PTPRG: variants seen among roughly 807,000 people sequenced by gnomAD.
The protein encoded by PTPRG is receptor-type tyrosine-protein phosphatase gamma.
PTPRG carries 102 observed loss-of-function variants against 165.3 expected under a neutral mutation model. The observed-to-expected ratio is 0.62, with a 90% CI of 0.53 to 0.73. The LOEUF (loss-of-function observed/expected upper bound fraction) is 0.73. Among genes scored for constraint, PTPRG ranks in the 30% least tolerant of loss-of-function variants. PTPRG has a pLI of 0.00. For missense variants in PTPRG, 1,866 were observed against 1,861.4 expected (o/e 1.00, Z -0.05); for synonymous variants, 675 against 669.5 (o/e 1.01, Z -0.13).
At position 62,195,337 on chromosome 3, in the gene PTPRG, T is replaced by C. The variant is rs934136025; in HGVS notation, c.1327+167T>C. 6.6e-6 allele frequency among the ~76,000 whole-genome samples: 1 copy of C among 152,170 alleles called. No homozygotes were observed. The highest frequency in any genetic ancestry group is 6.5e-5 in the Admixed American group (1 of 15,276). On this transcript the variant is annotated intron_variant, in intron 10 of 29. Coordinates refer to ENST00000474889, the MANE Select transcript of PTPRG (RefSeq NM_002841.4). This position sits in a 1 kb window ranked among gnomAD's most constrained non-coding sequence, Gnocchi z 4.4. The stretch of plus-strand genomic sequence containing the variant: ...GGAAGCCCTAGTAATTTAGGTCTTT[T>C]AGGTTGGAGGTTTTATCGGCAGAAG...
chr3:62,105,367 A>G (rs1702439130), intron 5 of PTPRG, among the ~76,000 whole-genome samples: 1 of 152,210 alleles, frequency 6.6e-6, no homozygotes, highest in African/African-American at 2.4e-5. Flanking sequence ...TTTCTTTTCC[A>G]GCAAATAAAA....
intron 6 of PTPRG, among the ~76,000 whole-genome samples, chr3:62,143,005 C>G (rs1477025563): frequency 6.6e-6 from 1 of 152,158 alleles, no homozygotes; most frequent in Non-Finnish European, 1.5e-5. Flanking sequence ...AGAAGTGACC[C>G]AGCCCAGAGT....
At position 62,212,737 on chromosome 3, in the gene PTPRG, A is replaced by C. The variant is rs559995679; in HGVS notation, c.2156-6114A>C. On this transcript the variant is annotated intron_variant, in intron 12 of 29. Transcript: ENST00000474889. ...GGAGTGTGCCGCTTGGTTCCAACTG[A>C]TGTGTGCCACGTGGGAATTCAGGCT... 2.0e-5 allele frequency among the ~76,000 whole-genome samples: 3 copies of C among 152,292 alleles called. No homozygotes were observed. In the South Asian group the frequency reaches 6.2e-4, roughly 32 times the overall value.
intron 1 of PTPRG, among the ~76,000 whole-genome samples, chr3:61,601,967 T>TA (rs1700881286): frequency 6.6e-6 from 1 of 152,182 alleles, no homozygotes; most frequent in African/African-American, 2.4e-5. Context: ...ACAACGCTGT[T>TA]AGAGCGTTGC....
At chr3:61,755,327 C>T (rs1003923664) in intron 2 of PTPRG, among the ~76,000 whole-genome samples, 13 of 152,254 alleles carry the variant, frequency 8.5e-5, no homozygotes, top group South Asian at 2.1e-4. Context: ...ACCTTCTGAT[C>T]GGAAGGAACC....
chr3:61,655,815 C>G (rs928284036), intron 1 of PTPRG, among the ~76,000 whole-genome samples: 2 of 152,114 alleles, frequency 1.3e-5, no homozygotes, highest in African/African-American at 4.8e-5. Context: ...CCAATGTTGC[C>G]TAGACTGGTC....
chr3:61,948,360 T>C (rs2039816085), intron 2 of PTPRG, among the ~76,000 whole-genome samples: 1 of 152,120 alleles, frequency 6.6e-6, no homozygotes, highest in African/African-American at 2.4e-5. Flanking sequence ...TGACTGCTCA[T>C]AAATGCAGTC....
intron 4 of PTPRG, among the ~76,000 whole-genome samples, chr3:62,014,281 G>T (rs2041490776): frequency 1.3e-5 from 2 of 152,134 alleles, no homozygotes; most frequent in South Asian, 2.1e-4. Flanking sequence ...AGTCCGGATT[G>T]TTTGGCCTGG....
chr3:61,756,665 A>G (rs925658952), intron 2 of PTPRG, among the ~76,000 whole-genome samples: 2 of 152,158 alleles, frequency 1.3e-5, no homozygotes, highest in African/African-American at 4.8e-5. Context: ...AATGGATGCT[A>G]ATGCATTAAT....
At chr3:61,966,140 AC>A (rs1230031686) in intron 2 of PTPRG, among the ~76,000 whole-genome samples, 1 of 152,230 alleles carries the variant, frequency 6.6e-6, no homozygotes, top group Admixed American at 6.5e-5. Flanking sequence ...TTCCATATTG[AC>A]TGACATTTAC....
chr3:62,271,547 G>A lies in PTPRG; in HGVS notation c.3174G>A (p.Val1058=), dbSNP rs1242673849. The A allele has an allele frequency of 2.5e-6, 4 of 1,612,984 alleles. No individual in the cohort carries two copies. The highest frequency in any genetic ancestry group is 1.7e-5 in the Admixed American group (1 of 59,962). ...ARMPETGPVL[V]HCSAGVGRTG... is the part of the protein sequence containing the mutation. ...TGCCAGAAACGGGCCCTGTGTTGGT[G>A]CACTGCAGGTAGGGTCTAGGATTCA... Residue 1058 remains valine, a synonymous_variant, in exon 21 of 30, where the codon GTG becomes GTA. Transcript: ENST00000474889. The surrounding 1 kb of genome is among the most constrained non-coding windows in gnomAD (Gnocchi z 4.1).
rs1395290382 is a variant in PTPRG at position 62,294,825 on chromosome 3, TCA to T, written c.*1519_*1520del. The T allele has an allele frequency of 1.3e-5, 2 of 152,112 alleles. No individual in the cohort carries two copies. Among genetic ancestry groups the T allele is most frequent in the Non-Finnish European group, 2.9e-5 (2 of 68,016 alleles). The allele number at this position is 152,112 out of a possible 1,614,324, so 9.4% of individuals were successfully genotyped here. A position where few individuals can be genotyped will look rare whatever the true frequency, so the allele number is the denominator to read the frequency against. ...TATTTACTTTTTATGTCAATTAACTTCAACAAAAAGGCCACGCTGGCTGCTGT... is the reference window on the plus strand; with the variant it reads ...TATTTACTTTTTATGTCAATTAACTTACAAAAAGGCCACGCTGGCTGCTGT... On this transcript the variant is annotated 3_prime_UTR_variant, in exon 30 of 30. Coordinates refer to ENST00000474889, the MANE Select transcript of PTPRG (RefSeq NM_002841.4).
At chr3:62,239,360 C>CTTTTTTTTTTTTTTTTTTTTTTTTTT (rs776921598) in intron 14 of PTPRG, among the ~76,000 whole-genome samples, 1 of 124,536 alleles carries the variant, frequency 8.0e-6, no homozygotes, top group African/African-American at 3.1e-5. Context: ...TTTTTTCTTT[C>CTTTTTTTTTTTTTTTTTTTTTTTTTT]TTTTTTTTTT....
Position 62,282,828 on chromosome 3 carries a change from A to C in PTPRG, c.4014A>C (p.Glu1338Asp), listed in dbSNP as rs768453026. The C allele has an allele frequency of 4.3e-6, 7 of 1,611,712 alleles. No homozygotes were observed. The South Asian group carries it at 7.7e-5, about 18-fold the overall frequency. ...STFELINVIK[E>D]EALTRDGPTI... ...TTGAACTTATCAACGTCATCAAGGA[A>C]GAGGCCTTAACAAGGGATGGTCCCA... Residue 1338 changes from glutamate (E) to aspartate (D), a missense_variant, in exon 28 of 30, where the codon GAA becomes GAC. By Grantham distance (45) the Glu-to-Asp change is conservative. This residue lies in a region of PTPRG where 1,452 missense variants were observed against 1,463.0 expected (regional missense o/e 0.99). Transcript: ENST00000474889.
chr3:61,704,781 C>T (rs2031163228), intron 1 of PTPRG, among the ~76,000 whole-genome samples: 1 of 152,158 alleles, frequency 6.6e-6, no homozygotes, highest in African/African-American at 2.4e-5. Context: ...TGTTCCCATT[C>T]CCCTGCTTAC....
chr3:62,269,081 G>C lies in PTPRG; in HGVS notation c.2921G>C (p.Gly974Ala). ...CCAACAGAGAACAGTGAGGAATATGGAAACATTATTGTCACGCTGAAGAGC... is the reference window on the plus strand; with the variant it reads ...CCAACAGAGAACAGTGAGGAATATGCAAACATTATTGTCACGCTGAAGAGC... ...YWPTENSEEY[G>A]NIIVTLKSTK... The change falls in exon 20 of 30, where the codon GGA becomes GCA. Residue 974 changes from glycine (G) to alanine (A), a missense_variant. Gly to Ala is a moderately conservative substitution (Grantham distance 60, BLOSUM62 0). Transcript: ENST00000474889. The C allele has an allele frequency of 6.2e-7, 1 of 1,606,540 alleles. No individual in the cohort carries two copies. Among genetic ancestry groups the C allele is most frequent in the Non-Finnish European group, 8.5e-7 (1 of 1,174,308 alleles).
At chr3:61,837,457 G>C (rs750408280) in intron 2 of PTPRG, among the ~76,000 whole-genome samples, 2 of 152,210 alleles carry the variant, frequency 1.3e-5, no homozygotes, top group Admixed American at 1.3e-4. Context: ...CACAAGCAGG[G>C]CTCCTGTTTG....
chr3:61,712,090 C>T (rs904638360), intron 1 of PTPRG, among the ~76,000 whole-genome samples: 16 of 151,984 alleles, frequency 1.1e-4, no homozygotes, highest in South Asian at 2.1e-4. Context: ...GACGGGGTTT[C>T]GCCATGTTGG....
chr3:61,850,388 C>T (rs2036932451), intron 2 of PTPRG, among the ~76,000 whole-genome samples: 1 of 152,188 alleles, frequency 6.6e-6, no homozygotes, highest in African/African-American at 2.4e-5. Context: ...TGGTCGTGAA[C>T]TCCTGACCTC....
Sources: allele counts gnomAD v4.1 joint callset (sites outside exome capture counted in the v4.1 genomes callset), GRCh38; gene constraint gnomAD v4.1.1; regional missense constraint gnomAD v4.1.1; non-coding constraint Gnocchi (gnomAD v3.1); transcripts MANE v1.5; gene names NCBI Gene and HGNC (gene_info 2026-07-23, HGNC 2026-07-21).